FGF7: variants seen among roughly 807,000 people sequenced by gnomAD.
FGF7 encodes the protein FGF-7.
A neutral mutation model predicts 20.5 loss-of-function variants in FGF7; 6 were observed. The ratio of observed to expected loss-of-function variants is 0.29; its 90% confidence interval spans 0.16 to 0.58. FGF7 has a LOEUF of 0.58. FGF7 is among the 20% of genes least tolerant of loss of function. The pLI is 0.90. For synonymous variants in FGF7, 64 were observed against 74.7 expected (o/e 0.86, Z 0.74); for missense variants, 144 against 228.8 (o/e 0.63, Z 2.39).
At chr15:49,484,160 T>A in intron 3 of FGF7, 150 bp from the exon 4 acceptor site, 1 of 557,226 alleles carries the variant, frequency 1.8e-6, no homozygotes, top group Non-Finnish European at 3.1e-6. Flanking sequence ...TAAGTATAGC[T>A]AATAAACCAC....
intron 2 of FGF7, among the ~76,000 whole-genome samples, chr15:49,468,935 G>C (rs1297841035): frequency 6.6e-6 from 1 of 152,154 alleles, no homozygotes; most frequent in Non-Finnish European, 1.5e-5. Context: ...TTTTGAAAAA[G>C]TCAATTTTGA....
intron 2 of FGF7, among the ~76,000 whole-genome samples, chr15:49,459,497 A>G (rs572224652): frequency 6.6e-6 from 1 of 152,176 alleles, no homozygotes; most frequent in East Asian, 1.9e-4. Context: ...TTTTAAATGA[A>G]CCTGCATTTC....
chr15:49,458,728 G>C (rs576804874), intron 2 of FGF7, among the ~76,000 whole-genome samples: 11 of 152,152 alleles, frequency 7.2e-5, no homozygotes, highest in Admixed American at 1.3e-4. Context: ...AATAGGATTA[G>C]TTACAGTTGT....
chr15:49,455,606 C>T (rs1021628534), intron 2 of FGF7, among the ~76,000 whole-genome samples: 6 of 152,154 alleles, frequency 3.9e-5, no homozygotes, highest in African/African-American at 1.2e-4. Flanking sequence ...AGATAAAAGT[C>T]TTTAAAGAAA....
At chr15:49,481,530 T>A (rs2055946074) in intron 2 of FGF7, among the ~76,000 whole-genome samples, 1 of 152,200 alleles carries the variant, frequency 6.6e-6, no homozygotes, top group Admixed American at 6.5e-5. Flanking sequence ...CATGAATGCA[T>A]CAACATCATA....
At chr15:49,450,664 CA>C (rs1181780460) in intron 2 of FGF7, among the ~76,000 whole-genome samples, 3 of 152,124 alleles carry the variant, frequency 2.0e-5, no homozygotes, top group Non-Finnish European at 2.9e-5. Flanking sequence ...TTTCAGAGAA[CA>C]AAAACTTCCT....
At chr15:49,433,695 C>T (rs916451088) in intron 2 of FGF7, among the ~76,000 whole-genome samples, 1 of 151,560 alleles carries the variant, frequency 6.6e-6, no homozygotes, top group African/African-American at 2.4e-5. Flanking sequence ...TAAGCAGACA[C>T]AGTTACCACT....
At chr15:49,476,871 A>T (rs2055372446) in intron 2 of FGF7, among the ~76,000 whole-genome samples, 1 of 151,998 alleles carries the variant, frequency 6.6e-6, no homozygotes, top group Admixed American at 6.6e-5. Flanking sequence ...CATCCTGGCT[A>T]ACACGGTGAA....
intron 2 of FGF7, among the ~76,000 whole-genome samples, chr15:49,449,137 G>A (rs2052493769): frequency 6.6e-6 from 1 of 151,952 alleles, no homozygotes; most frequent in South Asian, 2.1e-4. Flanking sequence ...TCAGTCTGTA[G>A]AGAACTGCTC....
chr15:49,462,349 T>G (rs2053878521), intron 2 of FGF7, among the ~76,000 whole-genome samples: 1 of 152,158 alleles, frequency 6.6e-6, no homozygotes, highest in Non-Finnish European at 1.5e-5. Context: ...CTAACATATA[T>G]TTACTAAATT....
chr15:49,445,636 C>T (rs1388393309), intron 2 of FGF7, among the ~76,000 whole-genome samples: 1 of 151,242 alleles, frequency 6.6e-6, no homozygotes, highest in African/African-American at 2.4e-5. Context: ...ACTGTGTACA[C>T]CATAAATATG....
Position 49,483,186 on chromosome 15 carries a change from G to T in FGF7, c.322G>T (p.Val108Leu), listed in dbSNP as rs766603685. Residue 108 changes from valine to leucine, a missense_variant, in exon 3 of 4, where the codon GTG (valine) becomes TTG (leucine). By Grantham distance (32) the Val-to-Leu change is conservative. Around this residue, in one of 2 missense-constraint regions of FGF7, gnomAD observed 56 missense variants for 125.4 expected, o/e 0.45. Transcript: ENST00000267843. The part of the protein sequence containing the change: ...MEIRTVAVGI[V>L]AIKGVESEFY... Reference sequence around the variant, plus strand: ...AATCAGGACAGTGGCAGTTGGAATTGTGGCAATCAAAGGGGTGGAAAGTGA... The same window carrying T: ...AATCAGGACAGTGGCAGTTGGAATTTTGGCAATCAAAGGGGTGGAAAGTGA... The T allele has an allele frequency of 1.4e-5, 22 of 1,590,402 alleles. No homozygotes were observed. Among genetic ancestry groups the T allele is most frequent in the Non-Finnish European group, 1.4e-5 (17 of 1,174,552 alleles).
chr15:49,427,560 G>A (rs1283985964), intron 2 of FGF7, among the ~76,000 whole-genome samples: 1 of 151,942 alleles, frequency 6.6e-6, no homozygotes, highest in East Asian at 1.9e-4. Context: ...AATTTTACAT[G>A]AAAAGTAATA....
intron 2 of FGF7, among the ~76,000 whole-genome samples, chr15:49,471,288 T>A (rs2054723225): frequency 1.3e-5 from 2 of 151,584 alleles, no homozygotes; most frequent in Admixed American, 1.3e-4. Flanking sequence ...AGTTCGAGAC[T>A]AGCCTGGCTA....
rs1473056482 is a variant in FGF7, at chr15:49,488,386, G to A, written c.*3882G>A. ...TCCCACCTATCCTTTAATTTTGAAT[G>A]GTTTGTCAGGAAAATTTACTTTCTC... On this transcript the variant is annotated 3_prime_UTR_variant, in exon 4 of 4. Coordinates refer to ENST00000267843, the MANE Select transcript of FGF7 (RefSeq NM_002009.4). 3 of 151,886 alleles carry A rather than the reference G, an allele frequency of 2.0e-5. No homozygotes were observed. The East Asian group carries it at 5.8e-4, about 29-fold the overall frequency. The allele number at this position is 151,886 out of a possible 1,614,324, so 9.4% of individuals were successfully genotyped here.
At chr15:49,482,192 G>C (rs2056016004) in intron 2 of FGF7, among the ~76,000 whole-genome samples, 1 of 151,912 alleles carries the variant, frequency 6.6e-6, no homozygotes, top group Non-Finnish European at 1.5e-5. Context: ...TTGCATAAAA[G>C]TACATTAAAA....
At chr15:49,423,487 A>G (rs1306135626) in intron 1 of FGF7, 47 bp downstream of exon 1, 1 of 152,186 alleles carries the variant, frequency 6.6e-6, no homozygotes, top group African/African-American at 2.4e-5. Context: ...AATGTTTTCT[A>G]AAAGTTTATC....
intron 2 of FGF7, among the ~76,000 whole-genome samples, chr15:49,478,746 A>G (rs1379143424): frequency 2.6e-5 from 4 of 152,202 alleles, no homozygotes; most frequent in Non-Finnish European, 5.9e-5. Context: ...TTAAATATAA[A>G]GCTTTAAATG....
intron 2 of FGF7, among the ~76,000 whole-genome samples, chr15:49,454,270 G>A (rs1041083892): frequency 1.3e-5 from 2 of 152,050 alleles, no homozygotes; most frequent in African/African-American, 4.8e-5. Flanking sequence ...AGTTTCATAG[G>A]GGGCAGGGCA....
Sources: gnomAD v4.1 joint callset for allele counts (sites outside exome capture counted in the v4.1 genomes callset) on GRCh38, gnomAD v4.1.1 for gene constraint, gnomAD v4.1.1 regional missense constraint, MANE v1.5 for transcripts, NCBI Gene and HGNC (gene_info 2026-07-23, HGNC 2026-07-21) for gene names.